CD8B: variants seen among roughly 807,000 people sequenced by gnomAD.
CD8B encodes CD8 subunit beta, also known as T-cell surface glycoprotein CD8 beta chain.
CD8B carries 6 observed loss-of-function variants against 24.2 expected under a neutral mutation model. The ratio of observed to expected loss-of-function variants is 0.25; its 90% confidence interval spans 0.14 to 0.49. CD8B has a LOEUF of 0.49. CD8B is among the 20% of genes least tolerant of loss of function. The pLI is 0.98. For missense variants in CD8B, 196 were observed against 271.3 expected, an observed-to-expected ratio of 0.72 and a Z score of 1.95; for synonymous variants, 84 against 108.3, an observed-to-expected ratio of 0.78 and a Z score of 1.39.
chr2:86,848,699 A>AAATT (rs377685286), intron 3 of CD8B, among the ~76,000 whole-genome samples: 1,112 of 14,316 alleles, frequency 0.078, 210 homozygotes, highest in East Asian at 0.22. Flanking sequence ...TGGTATTTTT[A>AAATT]AATTATTTAT....
At chr2:86,849,807 G>A (rs1340825292) in intron 3 of CD8B, among the ~76,000 whole-genome samples, 3 of 150,694 alleles carry the variant, frequency 2.0e-5, no homozygotes, top group African/African-American at 4.9e-5. Context: ...GGGTTCAAGC[G>A]ATTCTCCTTC....
rs1675348945 is a variant in CD8B, at chr2:86,840,075, A to G, written c.*2232T>C. On this transcript the variant is annotated 3_prime_UTR_variant, in exon 6 of 6. Transcript: ENST00000390655. The stretch of plus-strand genomic sequence containing the variant: ...TCTGGGGGCAGGGAATCTAAGGCCA[A>G]TTCGTGCTGAATCAAGGAGAAACAT... Among the ~76,000 whole-genome samples the G allele has an allele frequency of 6.6e-6, 1 of 152,196 alleles. No homozygotes were observed. The highest frequency in any genetic ancestry group is 2.1e-4 in the South Asian group (1 of 4,826).
downstream of CD8B, among the ~76,000 whole-genome samples, chr2:86,834,010 AGCAAC>A (rs1462706707): frequency 3.3e-5 from 5 of 152,142 alleles, no homozygotes; most frequent in South Asian, 2.1e-4. Flanking sequence ...ATAGATAGAC[AGCAAC>A]TTATTAAATG....
intron 3 of CD8B, among the ~76,000 whole-genome samples, chr2:86,852,206 A>G (rs1288726323): frequency 2.0e-5 from 3 of 152,158 alleles, no homozygotes; most frequent in Admixed American, 6.5e-5. Flanking sequence ...GCTCAAGGCG[A>G]TCCACCCATC....
intron 2 of CD8B, among the ~76,000 whole-genome samples, chr2:86,856,499 G>GA (rs1354650768): frequency 1.3e-5 from 2 of 152,176 alleles, no homozygotes; most frequent in Non-Finnish European, 2.9e-5. Flanking sequence ...GCAAGAGGTG[G>GA]CGGGGCATCA....
rs1675346855 is a variant in CD8B at position 86,840,049 on chromosome 2, G to A, written c.*2258C>T. 6.6e-6 allele frequency among the ~76,000 whole-genome samples: 1 copy of A among 152,220 alleles called. No individual in the cohort carries two copies. The highest frequency in any genetic ancestry group is 2.4e-5 in the African/African-American group (1 of 41,454). On this transcript the variant is annotated 3_prime_UTR_variant, in exon 6 of 6. Transcript: ENST00000390655. ...CCTCTTGCTGAGGCAGGAGTCTAGG[G>A]TCTGGGGGCAGGGAATCTAAGGCCA...
Position 86,839,653 on chromosome 2 carries a change from A to G in CD8B, c.*2654T>C, listed in dbSNP as rs1183778797. On this transcript the variant is annotated 3_prime_UTR_variant, in exon 6 of 6. Transcript: ENST00000390655. ...TGCCTGCTGCACAGAAAACTGACAGAGGAGCGCAAACCACCCCTGCCCCCA... is the reference window on the plus strand; with the variant it reads ...TGCCTGCTGCACAGAAAACTGACAGGGGAGCGCAAACCACCCCTGCCCCCA... Among the ~76,000 whole-genome samples, 1 of 152,270 alleles carries G rather than the reference A, an allele frequency of 6.6e-6. No individual in the cohort carries two copies. The highest frequency in any genetic ancestry group is 1.5e-5 in the Non-Finnish European group (1 of 68,052).
rs1022875870 is a variant in CD8B, at chr2:86,826,750, C to T, written c.621-11032G>A. ...CTGTGGGAGGCTTCCTTAGCAGGAT[C>T]GAAAGGGGTGGAATTACAGTGGGCA... On this transcript the variant is annotated intron_variant, in intron 5 of 5. Transcript: ENST00000331469. 9.9e-5 allele frequency among the ~76,000 whole-genome samples: 15 copies of T among 151,762 alleles called. No homozygotes were observed. The South Asian group carries it at 2.1e-3, about 21-fold the overall frequency.
chr2:86,825,693 C>T (rs1674651885), intron 5 of CD8B, among the ~76,000 whole-genome samples: 1 of 152,220 alleles, frequency 6.6e-6, no homozygotes. Context: ...ACAGAAACTG[C>T]ATGCAGCGGC....
chr2:86,857,663 T>A (rs2104581205), intron 2 of CD8B, among the ~76,000 whole-genome samples: 1 of 152,178 alleles, frequency 6.6e-6, no homozygotes, highest in South Asian at 2.1e-4. Flanking sequence ...GAGGCTGCAG[T>A]GAGCCAAGAT....
chr2:86,846,795 T>C (rs1353687797), intron 3 of CD8B, 22 bp from the exon 4 acceptor site: 2 of 1,519,620 alleles, frequency 1.3e-6, no homozygotes, highest in South Asian at 1.2e-5. Context: ...ACATGTGACA[T>C]GTGTTCAACA....
chr2:86,846,435 C>T (rs1196779133), intron 4 of CD8B, among the ~76,000 whole-genome samples: 3 of 151,966 alleles, frequency 2.0e-5, no homozygotes, highest in Non-Finnish European at 4.4e-5. Flanking sequence ...TCAGAGAGAC[C>T]GGGGCACTGG....
chr2:86,839,550 C>T lies in CD8B; in HGVS notation c.*2757G>A, dbSNP rs893186243. Among the ~76,000 whole-genome samples the T allele has an allele frequency of 1.3e-5, 2 of 152,244 alleles. No homozygotes were observed. The highest frequency in any genetic ancestry group is 1.9e-4 in the East Asian group (1 of 5,200). On this transcript the variant is annotated 3_prime_UTR_variant, in exon 6 of 6. Coordinates refer to ENST00000390655, the MANE Select transcript of CD8B (RefSeq NM_004931.5). ...AGGTCAGGTGCTGGGTGCAGACCTT[C>T]TCACCGCAGCCCCCACCATTGGCAG...
chr2:86,829,095 C>CTTTTTCT (rs1674804993), intron 5 of CD8B, among the ~76,000 whole-genome samples: 1 of 82,992 alleles, frequency 1.2e-5, no homozygotes, highest in Non-Finnish European at 2.2e-5. Flanking sequence ...ATGCTCTTTA[C>CTTTTTCT]TTTTTTTTTT....
At chr2:86,843,883 A>T (rs939709397) in intron 5 of CD8B, among the ~76,000 whole-genome samples, 10 of 152,342 alleles carry the variant, frequency 6.6e-5, no homozygotes, top group South Asian at 2.1e-4. Flanking sequence ...ACGGGATTCA[A>T]ACCCAGCCCT....
chr2:86,830,408 A>G (rs377075415), intron 5 of CD8B, among the ~76,000 whole-genome samples: 1 of 152,192 alleles, frequency 6.6e-6, no homozygotes, highest in East Asian at 1.9e-4. Flanking sequence ...CTCTACTAAA[A>G]ATACAAAATT....
In CD8B at chr2:86,840,311, G is replaced by T. The variant is rs959026775; in HGVS notation, c.*1996C>A. On this transcript the variant is annotated 3_prime_UTR_variant, in exon 6 of 6. Transcript: ENST00000390655. ...AAACGGAAAACACCTGGGTCTGGGG[G>T]CAGGGCATCTAAGGCCAATTAACAT... Among the ~76,000 whole-genome samples the T allele has an allele frequency of 1.7e-4, 26 of 152,104 alleles. No individual in the cohort carries two copies. The highest frequency in any genetic ancestry group is 3.1e-4 in the Non-Finnish European group (21 of 68,030).
At chr2:86,821,560 G>C (rs909489554) in intron 5 of CD8B, among the ~76,000 whole-genome samples, 15 of 152,156 alleles carry the variant, frequency 9.9e-5, no homozygotes, top group African/African-American at 3.6e-4. Flanking sequence ...GGCCAAGTTG[G>C]GGCACAGGCC....
In CD8B at chr2:86,851,282, C is replaced by A. The variant is rs184701326; in HGVS notation, c.493+1715G>T. 4.3e-3 allele frequency among the ~76,000 whole-genome samples: 653 copies of A among 152,152 alleles called. 7 individuals carry two copies. The highest frequency in any genetic ancestry group is 0.015 in the African/African-American group (602 of 41,504). On this transcript the variant is annotated intron_variant, in intron 3 of 5. Transcript: ENST00000390655. ...TTCTTCTTTTGGTGGCAGGTTGTTT[C>A]TTTCTATCACTGGGGTTGGGGTGCC...
Sources: allele counts gnomAD v4.1 joint callset (sites outside exome capture counted in the v4.1 genomes callset), GRCh38; gene constraint gnomAD v4.1.1; transcripts MANE v1.5; gene names NCBI Gene and HGNC (gene_info 2026-07-23, HGNC 2026-07-21).